GRB2: variants seen among roughly 807,000 people sequenced by gnomAD.
The protein encoded by GRB2 is growth factor receptor bound protein 2.
GRB2 carries 2 observed loss-of-function variants against 27.4 expected under a neutral mutation model. That is an observed-to-expected ratio of 0.07 (90% confidence interval 0.03 to 0.23). The LOEUF is 0.23. GRB2 is among the 10% of genes least tolerant of loss of function. The pLI is 1.00. For missense variants in GRB2, 102 were observed against 282.4 expected, an observed-to-expected ratio of 0.36 and a Z score of 4.58; for synonymous variants, 94 against 99.6, an observed-to-expected ratio of 0.94 and a Z score of 0.33.
chr17:75,404,720 A>G (rs1191410735), intron 1 of GRB2: 2 of 152,358 alleles, frequency 1.3e-5, no homozygotes, highest in Admixed American at 6.5e-5. Flanking sequence ...CGGAAAGTCA[A>G]CAGCATCAAA....
At chr17:75,366,623 A>T (rs2078821712) in intron 2 of GRB2, among the ~76,000 whole-genome samples, 1 of 152,014 alleles carries the variant, frequency 6.6e-6, no homozygotes, top group Admixed American at 6.6e-5. Context: ...CCTGGGCAAC[A>T]TGGCAAAACC....
At chr17:75,321,469 G>A (rs2078459318) in intron 5 of GRB2, among the ~76,000 whole-genome samples, 190 bp downstream of exon 5, 2 of 151,948 alleles carry the variant, frequency 1.3e-5, no homozygotes. Flanking sequence ...GAGCTACTAT[G>A]CTGGGCCAGA....
intron 2 of GRB2, among the ~76,000 whole-genome samples, chr17:75,337,733 G>A (rs1355723916): frequency 2.0e-5 from 3 of 150,702 alleles, no homozygotes; most frequent in Non-Finnish European, 4.4e-5. Context: ...ACCACGCCCA[G>A]CTAATTTTTT....
At chr17:75,355,120 C>T (rs2078723306) in intron 2 of GRB2, among the ~76,000 whole-genome samples, 1 of 152,170 alleles carries the variant, frequency 6.6e-6, no homozygotes, top group Non-Finnish European at 1.5e-5. Flanking sequence ...GACCTGTACT[C>T]GTACTTTTGT....
chr17:75,390,377 G>A (rs2078990775), intron 2 of GRB2, among the ~76,000 whole-genome samples: 1 of 152,162 alleles, frequency 6.6e-6, no homozygotes, highest in Non-Finnish European at 1.5e-5. Context: ...GTGCTCTAGT[G>A]TAGACTATTT....
At chr17:75,346,518 A>C (rs1402256408) in intron 2 of GRB2, among the ~76,000 whole-genome samples, 1 of 149,572 alleles carries the variant, frequency 6.7e-6, no homozygotes, top group Non-Finnish European at 1.5e-5. Context: ...ACAGGTATCA[A>C]TCTTATGCTG....
At chr17:75,389,338 C>T (rs2078984231) in intron 2 of GRB2, among the ~76,000 whole-genome samples, 1 of 152,176 alleles carries the variant, frequency 6.6e-6, no homozygotes, top group African/African-American at 2.4e-5. Context: ...TCTGCACACA[C>T]CTGACTGATG....
chr17:75,339,958 GA>G (rs1346776391), intron 2 of GRB2, among the ~76,000 whole-genome samples: 6 of 152,168 alleles, frequency 3.9e-5, no homozygotes, highest in African/African-American at 1.4e-4. Flanking sequence ...ACAAATTATA[GA>G]AAAAGGTGTC....
intron 1 of GRB2, among the ~76,000 whole-genome samples, chr17:75,398,345 TGC>T (rs1439895602): frequency 3.3e-5 from 5 of 152,260 alleles, no homozygotes; most frequent in Non-Finnish European, 7.4e-5. Context: ...CTTGGTTTAC[TGC>T]AACCTCCGCC....
Position 75,329,930 on chromosome 17 carries a change from AATG to A in GRB2, c.176+2767_176+2769del, listed in dbSNP as rs201858419. On this transcript the variant is annotated intron_variant, in intron 3 of 5. Coordinates refer to ENST00000316804, the MANE Select transcript of GRB2 (RefSeq NM_002086.5). ...ATCATTTATAAATTTGACTTTTTAA[AATG>A]ATGATATGTACATGTGACTACATGC... Among the ~76,000 whole-genome samples the A allele has an allele frequency of 2.2e-4, 34 of 152,294 alleles. No homozygotes were observed. In the East Asian group the frequency reaches 5.8e-3, roughly 26 times the overall value.
chr17:75,388,587 G>T (rs1026082999), intron 2 of GRB2, among the ~76,000 whole-genome samples: 1 of 146,514 alleles, frequency 6.8e-6, no homozygotes, highest in South Asian at 2.3e-4. Flanking sequence ...AAATAGTGGG[G>T]GGGGGGAAGA....
chr17:75,375,563 C>A (rs2078886900), intron 2 of GRB2, among the ~76,000 whole-genome samples: 1 of 152,168 alleles, frequency 6.6e-6, no homozygotes, highest in Non-Finnish European at 1.5e-5. Context: ...TAAAATCATA[C>A]AAAGTATGTT....
intron 1 of GRB2, among the ~76,000 whole-genome samples, chr17:75,398,375 C>G (rs1193486770): frequency 6.6e-6 from 1 of 150,884 alleles, no homozygotes; most frequent in African/African-American, 2.4e-5. Flanking sequence ...CTCAAGGGAT[C>G]CTCTCACCTC....
At chr17:75,359,978 TAA>T (rs143403187) in intron 2 of GRB2, among the ~76,000 whole-genome samples, 1,461 of 142,770 alleles carry the variant, frequency 0.01, 27 homozygotes, top group South Asian at 0.051. Context: ...CTTTCTGTCT[TAA>T]AAAAAAAAAA....
At chr17:75,382,963 C>T (rs1320367273) in intron 2 of GRB2, among the ~76,000 whole-genome samples, 1 of 152,192 alleles carries the variant, frequency 6.6e-6, no homozygotes, top group Non-Finnish European at 1.5e-5. Flanking sequence ...CCTGCCTCGG[C>T]CTCCCAAAGT....
chr17:75,321,659 C>A lies in GRB2; in HGVS notation c.468G>T (p.Gln156His). The A allele has an allele frequency of 6.2e-7, 1 of 1,613,984 alleles. No individual in the cohort carries two copies. Among genetic ancestry groups the A allele is most frequent in the Non-Finnish European group, 8.5e-7 (1 of 1,179,908 alleles). ...CCCATCTCACCCTGATGAGGCTTAC[C>A]TGTGGCACCTGTTCTATGTCCCGCA... is the stretch of plus-strand genomic sequence containing the variant. ...IFLRDIEQVPQQPTYVQALFD... is the reference protein window; with the variant it reads ...IFLRDIEQVPHQPTYVQALFD... The change falls in exon 5 of 6, where the codon CAG becomes CAT. Residue 156 changes from glutamine (Q) to histidine (H), a missense_variant and splice_region_variant. Physicochemically the swap from Gln to His is conservative, Grantham distance 24 (BLOSUM62 0). Around this residue, in one of 3 missense-constraint regions of GRB2, gnomAD observed 57 missense variants for 152.9 expected, o/e 0.37. Coordinates refer to ENST00000316804, the MANE Select transcript of GRB2 (RefSeq NM_002086.5).
At chr17:75,384,008 T>C (rs2078946639) in intron 2 of GRB2, among the ~76,000 whole-genome samples, 1 of 152,134 alleles carries the variant, frequency 6.6e-6, no homozygotes, top group South Asian at 2.1e-4. Flanking sequence ...CAATGCCCGA[T>C]CTGTCTGTGA....
chr17:75,378,538 T>C (rs1371976167), intron 2 of GRB2, among the ~76,000 whole-genome samples: 1 of 152,168 alleles, frequency 6.6e-6, no homozygotes, highest in East Asian at 1.9e-4. Flanking sequence ...GAAAAACATA[T>C]AGAAATTTCA....
At chr17:75,346,365 G>A (rs1265359711) in intron 2 of GRB2, among the ~76,000 whole-genome samples, 4 of 151,568 alleles carry the variant, frequency 2.6e-5, no homozygotes, top group Non-Finnish European at 5.9e-5. Context: ...GCACGGTGGC[G>A]GGCGCCTGTA....
Sources: gnomAD v4.1 joint callset for allele counts (sites outside exome capture counted in the v4.1 genomes callset) on GRCh38, gnomAD v4.1.1 for gene constraint, gnomAD v4.1.1 regional missense constraint, MANE v1.5 for transcripts, NCBI Gene and HGNC (gene_info 2026-07-23, HGNC 2026-07-21) for gene names.